The following LRPAP1 variants were observed in gnomAD, a reference collection of about 807,000 sequenced individuals.
LRPAP1 encodes alpha-2-macroglobulin receptor-associated protein.
A neutral mutation model predicts 39.9 loss-of-function variants in LRPAP1; 41 were observed. The observed-to-expected ratio is 1.03, with a 90% CI of 0.80 to 1.33. The LOEUF (loss-of-function observed/expected upper bound fraction) is 1.33, where lower values mean the gene tolerates loss of function less well. Ranked by LOEUF, LRPAP1 falls within the 40% of genes most tolerant of loss-of-function variation. The pLI is 0.00. For missense variants in LRPAP1, 565 were observed against 482.3 expected (o/e 1.17, Z -1.61); for synonymous variants, 263 against 212.7 (o/e 1.24, Z -2.06).
chr4:3,530,350 G>C, intron 1 of LRPAP1, among the ~76,000 whole-genome samples: 1 of 152,318 alleles, frequency 6.6e-6, no homozygotes, highest in East Asian at 1.9e-4. Flanking sequence ...AGGAAAATCA[G>C]GACGAATGGG....
Position 3,525,065 on chromosome 4 carries a change from G to T in LRPAP1, c.205-14C>A. The T allele has an allele frequency of 6.2e-7, 1 of 1,613,676 alleles. No homozygotes were observed. Among genetic ancestry groups the T allele is most frequent in the South Asian group, 1.1e-5 (1 of 91,074 alleles). On this transcript the variant is annotated splice_polypyrimidine_tract_variant and intron_variant, in intron 1 of 7. Coordinates refer to ENST00000650182, the MANE Select transcript of LRPAP1 (RefSeq NM_002337.4). The stretch of plus-strand genomic sequence containing the variant: ...AGGAAGATGCAGCTGCGAACGAAGG[G>T]GAGGAGCCTGTGAGCCACGAGCAGG...
At chr4:3,526,969 TAAA>T (rs1430230831) in intron 1 of LRPAP1, among the ~76,000 whole-genome samples, 15 of 152,188 alleles carry the variant, frequency 9.9e-5, no homozygotes, top group Admixed American at 3.3e-4. Flanking sequence ...TCCCCAATGG[TAAA>T]AAGATAGCAA....
Position 3,518,049 on chromosome 4 carries a change from A to G in LRPAP1, c.736T>C (p.Tyr246His). The stretch of plus-strand genomic sequence containing the variant: ...GGGCACTCACCAGCCTCAGTGCTGT[A>G]GCCCTGGTGGCTGACCCTGCGCAGG... ...DRLRRVSHQG[Y>H]STEAEFEEPR... The change falls in exon 5 of 8, where the codon TAC (tyrosine) becomes CAC (histidine). Residue 246 changes from tyrosine to histidine, a missense_variant. By Grantham distance (83) the Tyr-to-His change is moderately conservative. Transcript: ENST00000650182. 6.2e-7 allele frequency: 1 copy of G among 1,610,352 alleles called. No homozygotes were observed. Among genetic ancestry groups the G allele is most frequent in the East Asian group, 2.2e-5 (1 of 44,846 alleles).
At chr4:3,528,338 G>A (rs978352585) in intron 1 of LRPAP1, among the ~76,000 whole-genome samples, 3 of 152,142 alleles carry the variant, frequency 2.0e-5, no homozygotes, top group Admixed American at 6.5e-5. Flanking sequence ...AGAGCCGACC[G>A]TGTCCTCCTG....
chr4:3,514,963 C>G, intron 6 of LRPAP1, 35 bp from the exon 7 acceptor site: 1 of 1,600,868 alleles, frequency 6.2e-7, no homozygotes, highest in Non-Finnish European at 8.5e-7. Flanking sequence ...GTGTTCCCTT[C>G]CCGTGCTCGC....
At chr4:3,526,733 C>T (rs780628812) in intron 1 of LRPAP1, among the ~76,000 whole-genome samples, 1 of 152,222 alleles carries the variant, frequency 6.6e-6, no homozygotes, top group African/African-American at 2.4e-5. Flanking sequence ...CTGCCTGTAT[C>T]TAGACTGAGC....
intron 1 of LRPAP1, among the ~76,000 whole-genome samples, chr4:3,529,650 C>G (rs1455454811): frequency 6.6e-6 from 1 of 152,178 alleles, no homozygotes; most frequent in Non-Finnish European, 1.5e-5. Context: ...CACAGAAAGT[C>G]AAGATTCAAG....
rs1031112630 is a variant in LRPAP1, at chr4:3,509,959, A to C, written c.*3015T>G. On this transcript the variant is annotated 3_prime_UTR_variant, in exon 8 of 8. Coordinates refer to ENST00000650182, the MANE Select transcript of LRPAP1 (RefSeq NM_002337.4). Reference sequence around the variant, plus strand: ...GGTATTCAAAAATGCGTTCAAGGGAATTGCTATTGAAATTCCAGAAGGCAT... The same window carrying C: ...GGTATTCAAAAATGCGTTCAAGGGACTTGCTATTGAAATTCCAGAAGGCAT... The C allele has an allele frequency of 6.6e-6, 1 of 151,134 alleles. No homozygotes were observed. The highest frequency in any genetic ancestry group is 2.4e-5 in the African/African-American group (1 of 41,280). The allele number at this position is 151,134 out of a possible 1,614,324, so 9.4% of individuals were successfully genotyped here.
rs1729357293 is a variant in LRPAP1, at chr4:3,506,415, C to G, written c.*6559G>C. The G allele has an allele frequency of 6.6e-6, 1 of 150,850 alleles. No homozygotes were observed. The highest frequency in any genetic ancestry group is 2.1e-4 in the South Asian group (1 of 4,798). 9.3% of individuals were successfully genotyped at this position (150,850 alleles called of 1,614,324 possible). ...TGAGGCGAAGTCTTGCTCTTGTCCCCAGGCCGGAGTGCAATGGCGCGATCT... is the reference window on the plus strand; with the variant it reads ...TGAGGCGAAGTCTTGCTCTTGTCCCGAGGCCGGAGTGCAATGGCGCGATCT... On this transcript the variant is annotated 3_prime_UTR_variant, in exon 8 of 8. Transcript: ENST00000650182.
intron 2 of LRPAP1, 23 bp downstream of exon 2, chr4:3,524,884 C>T (rs1730030209): frequency 6.2e-7 from 1 of 1,611,792 alleles, no homozygotes; most frequent in African/African-American, 1.3e-5. Flanking sequence ...ACTCGACCTG[C>T]ATTAGGAAAG....
intron 1 of LRPAP1, 117 bp from the exon 2 acceptor site, chr4:3,525,168 G>C (rs530460853): frequency 1.7e-6 from 2 of 1,160,490 alleles, no homozygotes; most frequent in African/African-American, 1.5e-5. Flanking sequence ...GGAAGAGGTG[G>C]AGTCAGGGTC....
Position 3,518,139 on chromosome 4 carries a change from C to T in LRPAP1, c.646G>A (p.Val216Ile), listed in dbSNP as rs766026463. Residue 216 changes from valine (V) to isoleucine (I), a missense_variant, in exon 5 of 8, where the codon GTC (valine) becomes ATC (isoleucine). Coordinates refer to ENST00000650182, the MANE Select transcript of LRPAP1 (RefSeq NM_002337.4). ...PSDLSDIKGSVLHSRHTELKE... is the reference protein window; with the variant it reads ...PSDLSDIKGSILHSRHTELKE... ...AGCTCCGTGTGCCTGCTGTGCAGGACGCTGCCCTTGATGTCGCTCAGGTCC... is the reference window on the plus strand; with the variant it reads ...AGCTCCGTGTGCCTGCTGTGCAGGATGCTGCCCTTGATGTCGCTCAGGTCC... 100 of 1,613,536 alleles carry T rather than the reference C, an allele frequency of 6.2e-5. 1 individual carries two copies. Among genetic ancestry groups the T allele is most frequent in the South Asian group, 6.0e-4 (55 of 91,080 alleles).
At position 3,518,867 on chromosome 4, in the gene LRPAP1, G is replaced by GGGC; in HGVS notation, c.592+3_592+4insGCC. On this transcript the variant is annotated splice_donor_region_variant and intron_variant, in intron 4 of 7. Coordinates refer to ENST00000650182, the MANE Select transcript of LRPAP1 (RefSeq NM_002337.4). ...GGGCAGGAGGGGGTGGGGGCGGGGG[G>GGGC]CACCTTCGGTCCTGCTCAGGGTCTC... 1 of 1,230,708 alleles carries GGGC rather than the reference G, an allele frequency of 8.1e-7. No individual in the cohort carries two copies. The highest frequency in any genetic ancestry group is 1.6e-5 in the African/African-American group (1 of 62,788). The allele number at this position is 1,230,708 out of a possible 1,614,324, so 76.2% of individuals were successfully genotyped here.
intron 7 of LRPAP1, among the ~76,000 whole-genome samples, chr4:3,513,478 T>A (rs575388493): frequency 6.6e-6 from 1 of 152,216 alleles, no homozygotes; most frequent in East Asian, 1.9e-4. Flanking sequence ...CGGCTAATTT[T>A]TTCTACTTTT....
intron 2 of LRPAP1, among the ~76,000 whole-genome samples, chr4:3,520,976 A>G (rs145161389): frequency 6.6e-6 from 1 of 152,218 alleles, no homozygotes; most frequent in Non-Finnish European, 1.5e-5. Flanking sequence ...TGCCAACAGG[A>G]CAAGTCCTGC....
rs550824532 is a variant in LRPAP1, at chr4:3,513,138, C to T, written c.1012-102G>A. On this transcript the variant is annotated intron_variant, in intron 7 of 7. Transcript: ENST00000650182. ...AGACGCGCGATCCAAAAGGAAAAGG[C>T]GCAAGCCCTGCACATCTGACTTTCC... The T allele has an allele frequency of 2.3e-5, 20 of 853,146 alleles. No individual in the cohort carries two copies. The East Asian group carries it at 4.0e-4, about 17-fold the overall frequency. 52.8% of individuals were successfully genotyped at this position (853,146 alleles called of 1,614,324 possible).
chr4:3,525,037 G>A lies in LRPAP1; in HGVS notation c.219C>T (p.Pro73=), dbSNP rs148553602. The A allele has an allele frequency of 2.5e-4, 405 of 1,614,022 alleles. No homozygotes were observed. Among genetic ancestry groups the A allele is most frequent in the Middle Eastern group, 1.6e-3 (10 of 6,062 alleles). ...WEKAQRLHLP[P]VRLAELHADL... is the part of the protein sequence containing the mutation. Reference sequence around the variant, plus strand: ...CAGCGTGGAGCTCGGCCAGCCTCACGGGAGGAAGATGCAGCTGCGAACGAA... The same window carrying A: ...CAGCGTGGAGCTCGGCCAGCCTCACAGGAGGAAGATGCAGCTGCGAACGAA... Residue 73 remains proline (P), a synonymous_variant, in exon 2 of 8, where the codon CCC becomes CCT. Transcript: ENST00000650182.
intron 2 of LRPAP1, among the ~76,000 whole-genome samples, chr4:3,521,858 G>A (rs73197140): frequency 0.02 from 3,028 of 152,340 alleles, 36 homozygotes; most frequent in Middle Eastern, 0.078. Flanking sequence ...ATTTTAGGCC[G>A]GGCGCGGTGG....
At position 3,513,151 on chromosome 4, in the gene LRPAP1, C is replaced by T. The variant is rs1303938661; in HGVS notation, c.1012-115G>A. ...AAAAGGAAAAGGCGCAAGCCCTGCACATCTGACTTTCCAATTCCACACCCA... is the reference window on the plus strand; with the variant it reads ...AAAAGGAAAAGGCGCAAGCCCTGCATATCTGACTTTCCAATTCCACACCCA... On this transcript the variant is annotated intron_variant, in intron 7 of 7. Transcript: ENST00000650182. 6 of 737,800 alleles carry T rather than the reference C, an allele frequency of 8.1e-6. No individual in the cohort carries two copies. The Admixed American group carries it at 1.0e-4, about 13-fold the overall frequency. The allele number at this position is 737,800 out of a possible 1,614,324, so 45.7% of individuals were successfully genotyped here.
Sources: allele counts gnomAD v4.1 joint callset (sites outside exome capture counted in the v4.1 genomes callset), GRCh38; gene constraint gnomAD v4.1.1; transcripts MANE v1.5; gene names NCBI Gene and HGNC (gene_info 2026-07-23, HGNC 2026-07-21).